The following TMEM132C variants were observed in gnomAD, a reference collection of about 807,000 sequenced individuals.
The protein encoded by TMEM132C is transmembrane protein 132C, also known as protein phosphatase 1, regulatory subunit 152.
A neutral mutation model predicts 61.4 loss-of-function variants in TMEM132C; 29 were observed. The ratio of observed to expected loss-of-function variants is 0.47; its 90% confidence interval spans 0.35 to 0.64. The LOEUF is 0.64. Ranked by LOEUF, TMEM132C falls within the 30% of genes least tolerant of loss-of-function variation. TMEM132C has a pLI of 0.00. For missense variants in TMEM132C, 1,408 were observed against 1,476.9 expected (o/e 0.95, Z 0.76); for synonymous variants, 656 against 633.1 (o/e 1.04, Z -0.54).
At chr12:128,500,083 A>C (rs1003288922) in intron 2 of TMEM132C, among the ~76,000 whole-genome samples, 8 of 152,192 alleles carry the variant, frequency 5.3e-5, no homozygotes. Flanking sequence ...CATAAGAGTG[A>C]GTGTCAAGAC....
intron 1 of TMEM132C, among the ~76,000 whole-genome samples, chr12:128,389,756 G>A (rs2135998478): frequency 6.6e-6 from 1 of 152,302 alleles, no homozygotes; most frequent in East Asian, 1.9e-4. Flanking sequence ...TGAGTAGGGG[G>A]CATTGGATGA....
At chr12:128,448,069 C>T (rs1254438573) in intron 2 of TMEM132C, among the ~76,000 whole-genome samples, 1 of 152,116 alleles carries the variant, frequency 6.6e-6, no homozygotes, top group African/African-American at 2.4e-5. Flanking sequence ...ATTTCTGAAA[C>T]AAATAACCTG....
At chr12:128,515,024 A>G (rs1872675171) in intron 2 of TMEM132C, among the ~76,000 whole-genome samples, 1 of 152,384 alleles carries the variant, frequency 6.6e-6, no homozygotes, top group East Asian at 1.9e-4. Flanking sequence ...GACACGGATA[A>G]AGCAAAGTTG....
chr12:128,438,285 G>A (rs966389860), intron 2 of TMEM132C: 1 of 152,162 alleles, frequency 6.6e-6, no homozygotes, highest in African/African-American at 2.4e-5. Context: ...ATAGATTAAT[G>A]TTCAGGGTGG....
At chr12:128,348,068 G>A (rs1873228164) in intron 1 of TMEM132C, among the ~76,000 whole-genome samples, 1 of 152,206 alleles carries the variant, frequency 6.6e-6, no homozygotes, top group Non-Finnish European at 1.5e-5. Context: ...TCCAGTCCAT[G>A]AACATGGGAT....
rs1013118932 is a variant in TMEM132C at position 128,354,629 on chromosome 12, G to A, written c.86-60103G>A. ...TGGGATTCCACCAAGAATAGAAGGA[G>A]GACTCAGGAAGAAATGGAACTTTCC... On this transcript the variant is annotated intron_variant, in intron 1 of 8. Coordinates refer to ENST00000435159, the MANE Select transcript of TMEM132C (RefSeq NM_001136103.3). Among the ~76,000 whole-genome samples, 11 of 152,106 alleles carry A rather than the reference G, an allele frequency of 7.2e-5. No individual in the cohort carries two copies. The South Asian group carries it at 2.3e-3, about 32-fold the overall frequency.
chr12:128,455,376 T>G (rs1870305092), intron 2 of TMEM132C, among the ~76,000 whole-genome samples: 1 of 152,322 alleles, frequency 6.6e-6, no homozygotes, highest in South Asian at 2.1e-4. Context: ...GGCAAGTGCA[T>G]GCTTTGCAGC....
chr12:128,434,414 C>T (rs552023993), intron 2 of TMEM132C, among the ~76,000 whole-genome samples: 6 of 145,712 alleles, frequency 4.1e-5, no homozygotes, highest in Admixed American at 2.7e-4. Context: ...GATTCTCCTG[C>T]GTCAGCCTCC....
chr12:128,430,779 T>A (rs945063264), intron 2 of TMEM132C, among the ~76,000 whole-genome samples: 1 of 152,234 alleles, frequency 6.6e-6, no homozygotes, highest in African/African-American at 2.4e-5. Flanking sequence ...TGTATTGTTT[T>A]GGGGCACCAT....
At chr12:128,631,254 G>A (rs1226593869) in intron 4 of TMEM132C, among the ~76,000 whole-genome samples, 1 of 152,098 alleles carries the variant, frequency 6.6e-6, no homozygotes, top group Non-Finnish European at 1.5e-5. Flanking sequence ...AAAAAAAGAG[G>A]AATTAAATTT....
intron 2 of TMEM132C, among the ~76,000 whole-genome samples, chr12:128,502,467 G>T (rs557891202): frequency 2.0e-5 from 3 of 152,162 alleles, no homozygotes; most frequent in Non-Finnish European, 2.9e-5. Flanking sequence ...ACTTGGTTAC[G>T]ATTTCATTTC....
intron 2 of TMEM132C, among the ~76,000 whole-genome samples, chr12:128,522,863 A>G (rs1172997544): frequency 6.6e-6 from 1 of 152,310 alleles, no homozygotes; most frequent in East Asian, 1.9e-4. Context: ...CTGTTAAAGA[A>G]AAAACAAAAG....
chr12:128,696,118 G>A lies in TMEM132C; in HGVS notation c.1929+15G>A. ...CGACCATCCAGGTAGGAAGCTGGGA[G>A]TCTCTGTGTCCCCAGCACTGGGCAT... On this transcript the variant is annotated intron_variant, in intron 7 of 8. Transcript: ENST00000435159. 6.5e-7 allele frequency: 1 copy of A among 1,548,996 alleles called. No homozygotes were observed. Among genetic ancestry groups the A allele is most frequent in the Non-Finnish European group, 8.7e-7 (1 of 1,145,700 alleles).
chr12:128,531,452 G>A (rs10161418), intron 2 of TMEM132C, among the ~76,000 whole-genome samples: 1 of 152,096 alleles, frequency 6.6e-6, no homozygotes, highest in East Asian at 1.9e-4. Flanking sequence ...CAGATGGACT[G>A]GCAGTGGCTG....
chr12:128,654,784 A>C (rs1954307489), intron 4 of TMEM132C, among the ~76,000 whole-genome samples: 1 of 152,192 alleles, frequency 6.6e-6, no homozygotes, highest in Non-Finnish European at 1.5e-5. Flanking sequence ...AGATTTCTAG[A>C]AGGAATTGCA....
At chr12:128,275,120 A>T (rs976019504) in intron 1 of TMEM132C, among the ~76,000 whole-genome samples, 2 of 152,122 alleles carry the variant, frequency 1.3e-5, no homozygotes, top group Non-Finnish European at 2.9e-5. Flanking sequence ...AAAATAAAGG[A>T]CAGCTTTTCT....
At chr12:128,664,121 C>G (rs375802077) in intron 4 of TMEM132C, among the ~76,000 whole-genome samples, 9 of 141,540 alleles carry the variant, frequency 6.4e-5, no homozygotes, top group African/African-American at 2.4e-4. Flanking sequence ...CGCACCCGCA[C>G]GCACGCGGGC....
rs527975503 is a variant in TMEM132C, at chr12:128,434,340, G to A, written c.974+18720G>A. ...TTTGAGACGGAGTTTCTCTCTTGTC[G>A]CCCAGGCTGGAGTGCATTGGTGCGA... On this transcript the variant is annotated intron_variant, in intron 2 of 8. Coordinates refer to ENST00000435159, the MANE Select transcript of TMEM132C (RefSeq NM_001136103.3). 1.4e-4 allele frequency among the ~76,000 whole-genome samples: 21 copies of A among 152,200 alleles called. No homozygotes were observed. In the South Asian group the frequency reaches 1.7e-3, roughly 12 times the overall value.
At chr12:128,608,258 C>T (rs1876496012) in intron 3 of TMEM132C, among the ~76,000 whole-genome samples, 1 of 152,206 alleles carries the variant, frequency 6.6e-6, no homozygotes, top group African/African-American at 2.4e-5. Flanking sequence ...AACAAACAGC[C>T]TCACAAGGGT....
Sources: allele counts gnomAD v4.1 joint callset (sites outside exome capture counted in the v4.1 genomes callset), GRCh38; gene constraint gnomAD v4.1.1; transcripts MANE v1.5; gene names NCBI Gene and HGNC (gene_info 2026-07-23, HGNC 2026-07-21).